NOP53: variants seen among roughly 807,000 people sequenced by gnomAD.
NOP53 encodes NOP53 ribosome biogenesis factor.
NOP53 carries 40 observed loss-of-function variants against 61.0 expected under a neutral mutation model. The ratio of observed to expected loss-of-function variants is 0.66; its 90% CI spans 0.51 to 0.85. The LOEUF (loss-of-function observed/expected upper bound fraction) is 0.85. Among genes scored for constraint, NOP53 ranks in the 40% least tolerant of loss-of-function variants. NOP53 has a pLI of 0.00. For missense variants in NOP53, 689 were observed against 652.9 expected (o/e 1.06, Z -0.60); for synonymous variants, 308 against 289.5 (o/e 1.06, Z -0.65).
rs1337806360 is a variant in NOP53 at position 47,746,354 on chromosome 19, C to A, written c.224+571C>A. ...GGCGCCACCACGCTCGGCTATTTTT[C>A]TTTTCTTTTCTTTTTTCTTTTTTTT... On this transcript the variant is annotated intron_variant, in intron 1 of 12. Transcript: ENST00000246802. 2 of 151,324 alleles carry A rather than the reference C, an allele frequency of 1.3e-5. 1 individual carries two copies. The highest frequency in any genetic ancestry group is 1.3e-4 in the Admixed American group (2 of 15,144). The allele number at this position is 151,324 out of a possible 1,614,324, so 9.4% of individuals were successfully genotyped here.
chr19:47,746,959 TC>T lies in NOP53; in HGVS notation c.225-3del. On this transcript the variant is annotated splice_region_variant and splice_polypyrimidine_tract_variant and intron_variant, in intron 1 of 12. Transcript: ENST00000246802. Reference sequence around the variant, plus strand: ...CTCTGGCTGATGTTCTGCATTTCTGTCCCCCAGTGGCTTGTTGTCAGAGGCC... The same window carrying T: ...CTCTGGCTGATGTTCTGCATTTCTGTCCCCAGTGGCTTGTTGTCAGAGGCC... 1.9e-6 allele frequency: 3 copies of T among 1,611,502 alleles called. No individual in the cohort carries two copies. The highest frequency in any genetic ancestry group is 2.2e-5 in the South Asian group (2 of 90,966).
At chr19:47,756,053 G>A (rs2123679894) in intron 10 of NOP53, 1 of 581,466 alleles carries the variant, frequency 1.7e-6, no homozygotes, top group Non-Finnish European at 3.1e-6. Flanking sequence ...GCTGGTCCCT[G>A]TTGCAGTCCC....
chr19:47,749,923 G>T (rs778168411), intron 2 of NOP53, among the ~76,000 whole-genome samples: 3 of 152,130 alleles, frequency 2.0e-5, no homozygotes, highest in Admixed American at 6.5e-5. Context: ...TGTGGCTGTG[G>T]GCGTGACTCT....
At chr19:47,756,422 C>T in intron 10 of NOP53, 106 bp from the exon 11 acceptor site, 5 of 848,514 alleles carry the variant, frequency 5.9e-6, no homozygotes, top group Non-Finnish European at 9.3e-6. Context: ...ACAGGCTGCC[C>T]TGGGGGGAGA....
rs569149109 is a variant in NOP53, at chr19:47,749,098, T to A, written c.290-1080T>A. The stretch of plus-strand genomic sequence containing the variant: ...GTTGCTTGAACCTGGGAGGCAGAGG[T>A]TGCAGTGAGCCAAGAGCGCATCATT... On this transcript the variant is annotated intron_variant, in intron 2 of 12. Coordinates refer to ENST00000246802, the MANE Select transcript of NOP53 (RefSeq NM_015710.5). Among the ~76,000 whole-genome samples, 42 of 151,850 alleles carry A rather than the reference T, an allele frequency of 2.8e-4. No homozygotes were observed. The East Asian group carries it at 7.7e-3, about 28-fold the overall frequency.
In NOP53 at chr19:47,746,963, C is replaced by G. The variant is rs756104998; in HGVS notation, c.225-4C>G. 10 of 1,612,594 alleles carry G rather than the reference C, an allele frequency of 6.2e-6. No homozygotes were observed. Among genetic ancestry groups the G allele is most frequent in the Non-Finnish European group, 8.5e-6 (10 of 1,178,684 alleles). On this transcript the variant is annotated splice_polypyrimidine_tract_variant and splice_region_variant and intron_variant, in intron 1 of 12. Transcript: ENST00000246802. Reference sequence around the variant, plus strand: ...GGCTGATGTTCTGCATTTCTGTCCCCCAGTGGCTTGTTGTCAGAGGCCCCA... The same window carrying G: ...GGCTGATGTTCTGCATTTCTGTCCCGCAGTGGCTTGTTGTCAGAGGCCCCA...
intron 10 of NOP53, 68 bp from the exon 11 acceptor site, chr19:47,756,460 C>A: frequency 7.5e-7 from 1 of 1,327,568 alleles, no homozygotes; most frequent in South Asian, 1.2e-5. Flanking sequence ...CTGCCAGGAC[C>A]CCGAGGAGAG....
intron 10 of NOP53, 131 bp from the exon 11 acceptor site, chr19:47,756,397 G>A (rs945148148): frequency 1.5e-6 from 1 of 656,616 alleles, no homozygotes. Context: ...GGGCCAGGCT[G>A]AGTCCCTGGT....
chr19:47,750,322 A>G (rs3745754), intron 3 of NOP53, 36 bp downstream of exon 3: 902,758 of 1,270,564 alleles, frequency 0.71, 322,494 homozygotes, highest in African/African-American at 0.77. Flanking sequence ...CTTCTTTCCC[A>G]CCAGACTCTG....
rs1967160196 is a variant in NOP53, at chr19:47,754,329, G to A, written c.766-198G>A. 1.7e-6 allele frequency: 1 copy of A among 589,542 alleles called. No homozygotes were observed. The highest frequency in any genetic ancestry group is 3.1e-6 in the Non-Finnish European group (1 of 325,672). 36.5% of individuals were successfully genotyped at this position (589,542 alleles called of 1,614,324 possible). On this transcript the variant is annotated intron_variant, in intron 6 of 12. Coordinates refer to ENST00000246802, the MANE Select transcript of NOP53 (RefSeq NM_015710.5). This position sits in a 1 kb window ranked among gnomAD's most constrained non-coding sequence, Gnocchi z 4.2. The stretch of plus-strand genomic sequence containing the variant: ...CAGACTGCCTTCACAGACGTGCAGA[G>A]CAGGTGTGAGGGCGAGGGTTTGAGG...
intron 10 of NOP53, chr19:47,756,063 C>T (rs983987589): frequency 1.4e-5 from 8 of 575,524 alleles, no homozygotes; most frequent in East Asian, 5.8e-5. Flanking sequence ...GTTGCAGTCC[C>T]GGTCACCTTT....
rs1429875803 is a variant in NOP53, at chr19:47,755,644, C to T, written c.1230-112C>T. The T allele has an allele frequency of 3.0e-6, 4 of 1,329,592 alleles. No individual in the cohort carries two copies. In the Admixed American group the frequency reaches 6.5e-5, roughly 21 times the overall value. The allele number at this position is 1,329,592 out of a possible 1,614,324, so 82.4% of individuals were successfully genotyped here. A position where few individuals can be genotyped will look rare whatever the true frequency, so the allele number is the denominator to read the frequency against. The stretch of plus-strand genomic sequence containing the variant: ...CCCCCATCGGGAGACCACCTCTTCC[C>T]CCACAAAACCCCACATTCTCAGAGG... On this transcript the variant is annotated intron_variant, in intron 9 of 12. Coordinates refer to ENST00000246802, the MANE Select transcript of NOP53 (RefSeq NM_015710.5).
At position 47,755,442 on chromosome 19, in the gene NOP53, C is replaced by T. The variant is rs11538665; in HGVS notation, c.1148C>T (p.Ala383Val). Residue 383 changes from alanine to valine, a missense_variant, in exon 9 of 13, where the codon GCG becomes GTG. By Grantham distance (64) the Ala-to-Val change is moderately conservative. Transcript: ENST00000246802. Reference protein sequence around the residue: ...GIKAQVALRLAELARRQRRRQ... With the variant: ...GIKAQVALRLVELARRQRRRQ... ...AAGGCCCAGGTGGCCCTGAGGCTGG[C>T]GGAGCTGGCGCGGCGGCAGAGGCGG... 0.013 allele frequency: 20,535 copies of T among 1,522,464 alleles called. 185 individuals are homozygous for T. Among genetic ancestry groups the T allele is most frequent in the Non-Finnish European group, 0.016 (18,006 of 1,138,684 alleles). 94.3% of individuals were successfully genotyped at this position (1,522,464 alleles called of 1,614,324 possible).
intron 10 of NOP53, 100 bp from the exon 11 acceptor site, chr19:47,756,428 G>A: frequency 2.2e-6 from 2 of 890,764 alleles, no homozygotes; most frequent in African/African-American, 1.7e-5. Flanking sequence ...TGCCCTGGGG[G>A]GAGACTGCAT....
chr19:47,756,921 A>G lies in NOP53; in HGVS notation c.1431-78A>G, dbSNP rs575481293. ...TGGGAGGGTCCCCAAAGGGAAACTGAAAGGCAGGGGGTGTCAGGTCGGCAG... is the reference window on the plus strand; with the variant it reads ...TGGGAGGGTCCCCAAAGGGAAACTGGAAGGCAGGGGGTGTCAGGTCGGCAG... On this transcript the variant is annotated intron_variant, in intron 12 of 12. Transcript: ENST00000246802. 684 of 1,591,684 alleles carry G rather than the reference A, an allele frequency of 4.3e-4. 4 individuals are homozygous for G. In the African/African-American group the frequency reaches 8.4e-3, roughly 20 times the overall value.
Position 47,745,943 on chromosome 19 carries a change from A to T in NOP53, c.224+160A>T, listed in dbSNP as rs536373649. ...AGGAAATGGAGAGCATGGGCAGGGG[A>T]CTCAGCATGGGAAGCTGGAGAGCTT... On this transcript the variant is annotated intron_variant, in intron 1 of 12. Coordinates refer to ENST00000246802, the MANE Select transcript of NOP53 (RefSeq NM_015710.5). 3.0e-4 allele frequency: 177 copies of T among 587,394 alleles called. 1 individual carries two copies. In the African/African-American group the frequency reaches 3.0e-3, roughly 10 times the overall value. 36.4% of individuals were successfully genotyped at this position (587,394 alleles called of 1,614,324 possible).
chr19:47,756,651 GC>G (rs1482797941), intron 11 of NOP53, 36 bp from the exon 12 acceptor site: 11 of 1,613,388 alleles, frequency 6.8e-6, no homozygotes, highest in Non-Finnish European at 8.5e-6. Flanking sequence ...TCTGGGATTG[GC>G]CCCGGGCACT....
intron 2 of NOP53, among the ~76,000 whole-genome samples, chr19:47,747,745 C>T (rs1967081003): frequency 6.7e-6 from 1 of 150,212 alleles, no homozygotes; most frequent in African/African-American, 2.4e-5. Flanking sequence ...GCTGCACCAT[C>T]AAGCCTGGCT....
At chr19:47,750,134 T>G in intron 2 of NOP53, 44 bp from the exon 3 acceptor site, 1 of 1,260,828 alleles carries the variant, frequency 7.9e-7, no homozygotes, top group Non-Finnish European at 1.2e-6. Context: ...TCTTTGGCAG[T>G]GGGTAGGGCT....
Sources: allele counts gnomAD v4.1 joint callset (sites outside exome capture counted in the v4.1 genomes callset), GRCh38; gene constraint gnomAD v4.1.1; non-coding constraint Gnocchi (gnomAD v3.1); transcripts MANE v1.5; gene names NCBI Gene and HGNC (gene_info 2026-07-23, HGNC 2026-07-21).